The following KMT2C variants were observed in gnomAD, a reference collection of about 807,000 sequenced individuals.
The protein encoded by KMT2C is histone-lysine N-methyltransferase 2C.
Under a neutral mutation model 507.9 loss-of-function variants are expected in KMT2C, and 88 were observed. That is an observed-to-expected ratio of 0.17 (90% CI 0.15 to 0.21). KMT2C has a LOEUF of 0.21. Ranked by LOEUF, KMT2C falls within the 10% of genes least tolerant of loss-of-function variation. The probability of loss-of-function intolerance (pLI) is 1.00; values close to 1 mark genes in which losing one functional copy is unlikely to be tolerated. For synonymous variants in KMT2C, 2,049 were observed against 2,080.8 expected (o/e 0.98, Z 0.42); for missense variants, 4,954 against 5,957.8 (o/e 0.83, Z 5.55).
At chr7:152,380,888 G>C (rs1564056399) in intron 1 of KMT2C, among the ~76,000 whole-genome samples, 1 of 152,120 alleles carries the variant, frequency 6.6e-6, no homozygotes, top group South Asian at 2.1e-4. Flanking sequence ...TAAAAGCACC[G>C]AAAGGTAAGA....
At chr7:152,383,499 A>G (rs1454157024) in intron 1 of KMT2C, among the ~76,000 whole-genome samples, 2 of 152,226 alleles carry the variant, frequency 1.3e-5, no homozygotes, top group Non-Finnish European at 2.9e-5. Flanking sequence ...AGCTAAGGGG[A>G]AGGACAGGAA....
chr7:152,424,079 G>A (rs764758869), intron 1 of KMT2C, among the ~76,000 whole-genome samples: 2 of 152,124 alleles, frequency 1.3e-5, no homozygotes, highest in Non-Finnish European at 2.9e-5. Context: ...AAAGAGGATG[G>A]AAAATAATGA....
At chr7:152,161,101 T>G (rs2092432174) in intron 43 of KMT2C, among the ~76,000 whole-genome samples, 1 of 152,194 alleles carries the variant, frequency 6.6e-6, no homozygotes, top group African/African-American at 2.4e-5. Flanking sequence ...GTATAAGATG[T>G]CTTGGAGAAA....
intron 1 of KMT2C, among the ~76,000 whole-genome samples, chr7:152,425,051 T>C (rs567778272): frequency 1.3e-5 from 2 of 152,254 alleles, no homozygotes; most frequent in South Asian, 4.1e-4. Flanking sequence ...GACTATACAA[T>C]AGCATGAATA....
rs753179069 is a variant in KMT2C, at chr7:152,148,489, T to C, written c.13438A>G (p.Thr4480Ala). 6.2e-7 allele frequency: 1 copy of C among 1,614,254 alleles called. No homozygotes were observed. The highest frequency in any genetic ancestry group is 8.5e-7 in the Non-Finnish European group (1 of 1,180,054). Residue 4480 changes from threonine (T) to alanine (A), a missense_variant, in exon 52 of 59, where the codon ACC (threonine) becomes GCC (alanine). This residue lies in a region of KMT2C where 221 missense variants were observed against 304.7 expected (regional missense o/e 0.73). Transcript: ENST00000262189. The surrounding 1 kb of genome is among the most constrained non-coding windows in gnomAD (Gnocchi z 7.1). The stretch of plus-strand genomic sequence containing the variant: ...GCGCAAGTGAAGTGATAAATGTTGG[T>C]GCATCGAAATCTGTGGCATCCACTA... Reference protein sequence around the residue: ...ATSGCHRFRCTNIYHFTCAIK... With the variant: ...ATSGCHRFRCANIYHFTCAIK...
At chr7:152,370,610 T>A (rs2129240769) in intron 1 of KMT2C, among the ~76,000 whole-genome samples, 1 of 152,268 alleles carries the variant, frequency 6.6e-6, no homozygotes, top group South Asian at 2.1e-4. Flanking sequence ...ACAAAAATCA[T>A]CAAGAATATA....
intron 4 of KMT2C, among the ~76,000 whole-genome samples, chr7:152,313,965 G>T (rs1589127939): frequency 6.6e-6 from 1 of 152,052 alleles, no homozygotes; most frequent in African/African-American, 2.4e-5. Context: ...GAGGATATAA[G>T]ATACAGCCTG....
chr7:152,395,355 T>C lies in KMT2C; in HGVS notation c.162-36680A>G, dbSNP rs536875602. Among the ~76,000 whole-genome samples the C allele has an allele frequency of 4.7e-3, 695 of 148,582 alleles. 5 individuals are homozygous for C. The highest frequency in any genetic ancestry group is 0.013 in the African/African-American group (513 of 40,390). On this transcript the variant is annotated intron_variant, in intron 1 of 58. Coordinates refer to ENST00000262189, the MANE Select transcript of KMT2C (RefSeq NM_170606.3). ...CGTGGCCGCACACCTGGCTTTTCTT[T>C]CCCCCCCCCAGTTAGAGACAGTGTC...
chr7:152,326,119 C>CA (rs2096826472), intron 3 of KMT2C, among the ~76,000 whole-genome samples: 1 of 152,056 alleles, frequency 6.6e-6, no homozygotes, highest in African/African-American at 2.4e-5. Flanking sequence ...TAGTGTGTTA[C>CA]AAAAAGTCTT....
chr7:152,294,017 C>T (rs919507311), intron 6 of KMT2C, among the ~76,000 whole-genome samples: 5 of 146,360 alleles, frequency 3.4e-5, no homozygotes, highest in Admixed American at 2.7e-4. Flanking sequence ...CACCACCACA[C>T]CTGCCTTTTT....
chr7:152,261,087 T>C (rs1232571481), intron 9 of KMT2C, among the ~76,000 whole-genome samples: 1 of 152,300 alleles, frequency 6.6e-6, no homozygotes, highest in Admixed American at 6.5e-5. Context: ...CAGTTACCTC[T>C]ATTAAGCTTT....
rs138759188 is a variant in KMT2C, at chr7:152,325,228, T to C, written c.389+5373A>G. Reference sequence around the variant, plus strand: ...GTGCAATGGTGCGATCTTGGCTCACTGCAACGTCCACCTCCCAGGTTCAAG... The same window carrying C: ...GTGCAATGGTGCGATCTTGGCTCACCGCAACGTCCACCTCCCAGGTTCAAG... On this transcript the variant is annotated intron_variant, in intron 3 of 58. Coordinates refer to ENST00000262189, the MANE Select transcript of KMT2C (RefSeq NM_170606.3). Among the ~76,000 whole-genome samples the C allele has an allele frequency of 6.7e-3, 1,017 of 151,974 alleles. 8 individuals are homozygous for C. The highest frequency in any genetic ancestry group is 0.022 in the African/African-American group (928 of 41,538).
At chr7:152,275,632 C>T (rs2096067770) in intron 6 of KMT2C, among the ~76,000 whole-genome samples, 1 of 152,180 alleles carries the variant, frequency 6.6e-6, no homozygotes, top group African/African-American at 2.4e-5. Context: ...CCAGCTTTTA[C>T]AAAACAGGTA....
chr7:152,229,485 G>A (rs555920259), intron 18 of KMT2C, among the ~76,000 whole-genome samples: 1 of 152,250 alleles, frequency 6.6e-6, no homozygotes, highest in Non-Finnish European at 1.5e-5. Flanking sequence ...TATGACACTT[G>A]TTTTGTTTCT....
At chr7:152,254,641 G>A (rs1280351578) in intron 9 of KMT2C, among the ~76,000 whole-genome samples, 2 of 152,126 alleles carry the variant, frequency 1.3e-5, no homozygotes, top group Non-Finnish European at 2.9e-5. Context: ...GGGAGAGCCC[G>A]AGAGGCATTC....
chr7:152,197,165 T>C (rs1384838584), intron 27 of KMT2C, among the ~76,000 whole-genome samples: 1 of 151,926 alleles, frequency 6.6e-6, no homozygotes, highest in Non-Finnish European at 1.5e-5. Context: ...AGCACCAGGG[T>C]TCTAAGGAAA....
chr7:152,140,866 A>G (rs1364312880), intron 55 of KMT2C, among the ~76,000 whole-genome samples: 5 of 152,244 alleles, frequency 3.3e-5, no homozygotes, highest in Non-Finnish European at 7.3e-5. Context: ...TCACAAGTGA[A>G]TGAACCAGAA....
intron 2 of KMT2C, among the ~76,000 whole-genome samples, chr7:152,355,776 T>G (rs2097146529): frequency 6.6e-6 from 1 of 152,084 alleles, no homozygotes; most frequent in Non-Finnish European, 1.5e-5. Context: ...AGTGGGTTCA[T>G]GAGAAAATGG....
chr7:152,417,853 A>T (rs2097754795), intron 1 of KMT2C, among the ~76,000 whole-genome samples: 1 of 151,346 alleles, frequency 6.6e-6, no homozygotes, highest in African/African-American at 2.4e-5. Context: ...CACGTTAGCC[A>T]GGATGGTCTC....
Sources: allele counts gnomAD v4.1 joint callset (sites outside exome capture counted in the v4.1 genomes callset), GRCh38; gene constraint gnomAD v4.1.1; regional missense constraint gnomAD v4.1.1; non-coding constraint Gnocchi (gnomAD v3.1); transcripts MANE v1.5; gene names NCBI Gene and HGNC (gene_info 2026-07-23, HGNC 2026-07-21).